Variants in CST8 observed in about 807,000 individuals in gnomAD.
CST8 encodes the protein cystatin 8.
A neutral mutation model predicts 11.8 loss-of-function variants in CST8; 20 were observed. That is an observed-to-expected ratio of 1.70 (90% CI 1.20 to 2.47). The LOEUF is 2.47. Ranked by LOEUF, CST8 falls within the 30% of genes most tolerant of loss-of-function variation. The pLI is 0.00. For missense variants in CST8, 196 were observed against 167.2 expected (o/e 1.17, Z -0.95); for synonymous variants, 77 against 63.1 (o/e 1.22, Z -1.05).
At chr20:23,503,141 T>C in the CST8 span, among the ~76,000 whole-genome samples, 1 of 152,004 alleles carries the variant, frequency 6.6e-6, no homozygotes, top group East Asian at 1.9e-4. Flanking sequence ...CAGTAAGTGA[T>C]AGTAGAATGG....
At chr20:23,503,573 A>G in the CST8 span, among the ~76,000 whole-genome samples, 5 of 152,362 alleles carry the variant, frequency 3.3e-5, no homozygotes, top group African/African-American at 1.2e-4. Context: ...GTCAGATTAT[A>G]AAAATGAGAA....
downstream of CST8, among the ~76,000 whole-genome samples, chr20:23,496,912 T>C (rs1159792108): frequency 1.3e-5 from 2 of 152,244 alleles, no homozygotes; most frequent in Non-Finnish European, 2.9e-5. Flanking sequence ...GTTATCTCTC[T>C]TGTTCCCTGA....
At chr20:23,502,364 G>C in the CST8 span, among the ~76,000 whole-genome samples, 1 of 152,224 alleles carries the variant, frequency 6.6e-6, no homozygotes, top group Admixed American at 6.5e-5. Flanking sequence ...AAGTAGCAAT[G>C]GTGAGAAGCC....
At chr20:23,500,842 T>G (rs551027642), downstream of CST8, among the ~76,000 whole-genome samples, 1 of 152,020 alleles carries the variant, frequency 6.6e-6, no homozygotes, top group East Asian at 1.9e-4. Flanking sequence ...ACTGTTTTAC[T>G]CCCACCCCCA....
At chr20:23,492,807 T>C (rs1987928118) in intron 2 of CST8, 151 bp from the exon 3 acceptor site, 1 of 658,874 alleles carries the variant, frequency 1.5e-6, no homozygotes, top group Non-Finnish European at 2.7e-6. Flanking sequence ...CTCCAGGCAG[T>C]GGGCATCTTA....
Position 23,495,987 on chromosome 20 carries a change from G to C in CST8, c.*73G>C. On this transcript the variant is annotated 3_prime_UTR_variant, in exon 4 of 4. Transcript: ENST00000246012. ...AAAATGAAGCAATGGCAGGTGGGAG[G>C]CTCTTCCCAATGTGCTTTCTTCATG... The C allele has an allele frequency of 8.3e-7, 1 of 1,207,316 alleles. No individual in the cohort carries two copies. The highest frequency in any genetic ancestry group is 1.2e-6 in the Non-Finnish European group (1 of 833,192). The allele number at this position is 1,207,316 out of a possible 1,614,324, so 74.8% of individuals were successfully genotyped here. A position where few individuals can be genotyped will look rare whatever the true frequency, so the allele number is the denominator to read the frequency against.
At chr20:23,507,113 T>C in the CST8 span, among the ~76,000 whole-genome samples, 7 of 152,222 alleles carry the variant, frequency 4.6e-5, no homozygotes, top group Admixed American at 3.3e-4. Flanking sequence ...AAACTCCCAA[T>C]TGGTCTTTCT....
intron 3 of CST8, among the ~76,000 whole-genome samples, chr20:23,493,373 G>C (rs3004100): frequency 2.6e-5 from 4 of 151,982 alleles, no homozygotes; most frequent in African/African-American, 9.7e-5. Context: ...ATCACCAAAA[G>C]CCTGTCCTCT....
downstream of CST8, among the ~76,000 whole-genome samples, chr20:23,500,497 C>G (rs1170865783): frequency 2.0e-5 from 3 of 152,122 alleles, no homozygotes; most frequent in Non-Finnish European, 4.4e-5. Flanking sequence ...TGCCTGCCCC[C>G]CAGGGGCCTG....
the CST8 span, among the ~76,000 whole-genome samples, chr20:23,504,977 T>C: frequency 6.6e-6 from 1 of 152,092 alleles, no homozygotes; most frequent in African/African-American, 2.4e-5. Flanking sequence ...CACACATGGC[T>C]ACTTTGAGAA....
the CST8 span, among the ~76,000 whole-genome samples, chr20:23,501,749 C>A: frequency 1.3e-5 from 2 of 152,214 alleles, no homozygotes; most frequent in Admixed American, 1.3e-4. Flanking sequence ...CAGATAGGAA[C>A]ATTTTTGGTC....
chr20:23,493,014 A>G lies in CST8; in HGVS notation c.288A>G (p.Arg96=). 3.1e-6 allele frequency: 5 copies of G among 1,613,914 alleles called. No homozygotes were observed. The highest frequency in any genetic ancestry group is 1.3e-5 in the African/African-American group (1 of 75,054). ...IDVEIARSDC[R]KPLSTNEICA... is the part of the protein sequence containing the mutation. ...TAGAAATTGCCCGCAGCGATTGCAG[A>G]AAGCCTTTAAGCACTAATGAAATCT... The change falls in exon 3 of 4, where the codon AGA becomes AGG. Residue 96 remains arginine (R), a synonymous_variant. Transcript: ENST00000246012.
At chr20:23,502,346 G>A in the CST8 span, among the ~76,000 whole-genome samples, 1 of 152,248 alleles carries the variant, frequency 6.6e-6, no homozygotes, top group Admixed American at 6.5e-5. Context: ...ATGTGCTAGT[G>A]TGAGACAAAG....
At chr20:23,496,926 T>G (rs182707398), downstream of CST8, among the ~76,000 whole-genome samples, 860 of 152,354 alleles carry the variant, frequency 5.6e-3, 11 homozygotes, top group African/African-American at 0.018. Flanking sequence ...TCCCTGAACA[T>G]TGCTGTTATC....
intron 3 of CST8, among the ~76,000 whole-genome samples, chr20:23,493,870 G>T (rs530270958): frequency 6.6e-6 from 1 of 152,174 alleles, no homozygotes; most frequent in African/African-American, 2.4e-5. Context: ...CCTGATGACC[G>T]GGTTCCACCG....
intron 3 of CST8, 145 bp from the exon 4 acceptor site, chr20:23,495,686 G>A: frequency 3.1e-6 from 2 of 645,344 alleles, no homozygotes; most frequent in Non-Finnish European, 5.4e-6. Context: ...TAGCTCTGCA[G>A]ATTCCTGGGA....
chr20:23,491,817 G>A lies in CST8; in HGVS notation c.150G>A (p.Trp50Ter). ...ASNANVKQCL[W>*]FAMQEYNKES... ...ATGCCAACGTGAAGCAGTGTCTGTGGTTTGCCATGCAAGAATACAACAAAG... is the reference window on the plus strand; with the variant it reads ...ATGCCAACGTGAAGCAGTGTCTGTGATTTGCCATGCAAGAATACAACAAAG... Residue 50 changes from tryptophan (W) to a stop codon, truncating the protein, a stop_gained, in exon 2 of 4, where the codon TGG becomes TGA. Coordinates refer to ENST00000246012, the MANE Select transcript of CST8 (RefSeq NM_005492.4). LOFTEE classifies it high-confidence loss of function. 6.2e-7 allele frequency: 1 copy of A among 1,614,186 alleles called. No homozygotes were observed. Among genetic ancestry groups the A allele is most frequent in the Non-Finnish European group, 8.5e-7 (1 of 1,180,012 alleles).
intron 2 of CST8, among the ~76,000 whole-genome samples, chr20:23,492,212 A>C (rs1377515217): frequency 1.3e-5 from 2 of 152,230 alleles, no homozygotes; most frequent in Non-Finnish European, 2.9e-5. Flanking sequence ...AGATCTGATA[A>C]AGGTGAGTCC....
chr20:23,494,049 C>A (rs186903575), intron 3 of CST8, among the ~76,000 whole-genome samples: 1 of 152,256 alleles, frequency 6.6e-6, no homozygotes, highest in Non-Finnish European at 1.5e-5. Context: ...ACTGCCCTGC[C>A]ATTATGTTTG....
Sources: allele counts gnomAD v4.1 joint callset (sites outside exome capture counted in the v4.1 genomes callset), GRCh38; gene constraint gnomAD v4.1.1; transcripts MANE v1.5; gene names NCBI Gene and HGNC (gene_info 2026-07-23, HGNC 2026-07-21).